KRAS: variants seen among roughly 807,000 people sequenced by gnomAD.
The protein encoded by KRAS is GTPase KRas.
Under a neutral mutation model 21.0 loss-of-function variants are expected in KRAS, and 1 was observed. That is an observed-to-expected ratio of 0.05 (90% CI 0.02 to 0.23). The LOEUF is 0.23. Ranked by LOEUF, KRAS falls within the 10% of genes least tolerant of loss-of-function variation. The pLI is 1.00. For synonymous variants in KRAS, 67 were observed against 72.5 expected, an observed-to-expected ratio of 0.92 and a Z score of 0.39; for missense variants, 107 against 221.8, an observed-to-expected ratio of 0.48 and a Z score of 3.29.
intron 1 of KRAS, among the ~76,000 whole-genome samples, chr12:25,247,590 AACCAGTTTGCATAGCCTAAAAC>A: frequency 6.6e-6 from 1 of 152,254 alleles, no homozygotes; most frequent in Non-Finnish European, 1.5e-5. Flanking sequence ...ACCTCCCCCC[AACCAGTTTGCATAGCCTAAAAC>A]AGTTCTCAAA....
intron 2 of KRAS, among the ~76,000 whole-genome samples, chr12:25,236,857 C>G (rs1370672672): frequency 1.3e-5 from 2 of 152,030 alleles, no homozygotes; most frequent in African/African-American, 4.8e-5. Context: ...AAGTCAAAGA[C>G]AGAGCTACCA....
intron 2 of KRAS, among the ~76,000 whole-genome samples, chr12:25,240,468 A>G (rs1951597031): frequency 6.6e-6 from 1 of 152,194 alleles, no homozygotes; most frequent in Non-Finnish European, 1.5e-5. Context: ...ACTACGTTGA[A>G]CCCACATGAA....
chr12:25,207,081 C>T lies in KRAS; in HGVS notation c.*2714G>A, dbSNP rs1951146492. On this transcript the variant is annotated 3_prime_UTR_variant, in exon 5 of 5. Coordinates refer to ENST00000311936, the MANE Select transcript of KRAS (RefSeq NM_004985.5). The stretch of plus-strand genomic sequence containing the variant: ...CCCTTCTTTGCAAAACTAAAATACG[C>T]ATCGTGTTATCTCTGGGTCGTATAC... The T allele has an allele frequency of 4.7e-6, 1 of 212,206 alleles. No individual in the cohort carries two copies. Among genetic ancestry groups the T allele is most frequent in the East Asian group, 7.0e-5 (1 of 14,226 alleles). 13.1% of individuals were successfully genotyped at this position (212,206 alleles called of 1,614,324 possible). A position where few individuals can be genotyped will look rare whatever the true frequency, so the allele number is the denominator to read the frequency against.
Position 25,207,948 on chromosome 12 carries a change from G to C in KRAS, c.*1847C>G, listed in dbSNP as rs1379894419. ...ATTACAAGTATTAAAACTGCATCAA[G>C]TCATGGGGCATGTGGAAGGTAGGGA... On this transcript the variant is annotated 3_prime_UTR_variant, in exon 5 of 5. Coordinates refer to ENST00000311936, the MANE Select transcript of KRAS (RefSeq NM_004985.5). The C allele has an allele frequency of 4.3e-6, 1 of 233,118 alleles. No homozygotes were observed. The highest frequency in any genetic ancestry group is 8.5e-6 in the Non-Finnish European group (1 of 118,040). 14.4% of individuals were successfully genotyped at this position (233,118 alleles called of 1,614,324 possible). A position where few individuals can be genotyped will look rare whatever the true frequency, so the allele number is the denominator to read the frequency against.
At chr12:25,245,107 C>T (rs1951661430) in intron 2 of KRAS, among the ~76,000 whole-genome samples, 167 bp downstream of exon 2, 1 of 152,066 alleles carries the variant, frequency 6.6e-6, no homozygotes, top group East Asian at 1.9e-4. Context: ...AGTAAAGTTC[C>T]CATATTAATG....
chr12:25,225,553 AATGAC>A, intron 4 of KRAS, 56 bp downstream of exon 4: 1 of 1,479,368 alleles, frequency 6.8e-7, no homozygotes, highest in Admixed American at 1.7e-5. Flanking sequence ...TGATATATTA[AATGAC>A]ATAACAGTTA....
chr12:25,241,172 T>C (rs746279672), intron 2 of KRAS, among the ~76,000 whole-genome samples: 5 of 152,138 alleles, frequency 3.3e-5, no homozygotes, highest in Non-Finnish European at 7.3e-5. Context: ...CTCACCTACT[T>C]AGTTAGGCCT....
intron 1 of KRAS, among the ~76,000 whole-genome samples, chr12:25,250,475 G>C (rs978124215): frequency 1.3e-5 from 2 of 152,062 alleles, no homozygotes; most frequent in African/African-American, 4.8e-5. Flanking sequence ...GAGGAAGGAA[G>C]GGGTTCCCCG....
At chr12:25,227,479 A>G (rs1951408789) in intron 2 of KRAS, 67 bp from the exon 3 acceptor site, 1 of 1,378,666 alleles carries the variant, frequency 7.3e-7, no homozygotes, top group East Asian at 2.4e-5. Context: ...GGTGTTATAT[A>G]CAACTCAACA....
chr12:25,215,347 C>T (rs1182519077), intron 4 of KRAS: 8 of 1,549,996 alleles, frequency 5.2e-6, no homozygotes, highest in Admixed American at 1.7e-5. Flanking sequence ...TAGAATACTA[C>T]ACCTAAGTAG....
At position 25,215,408 on chromosome 12, in the gene KRAS, C is replaced by T. The variant is rs547244164; in HGVS notation, c.451-5497G>A. 22 of 1,612,282 alleles carry T rather than the reference C, an allele frequency of 1.4e-5. No individual in the cohort carries two copies. The South Asian group carries it at 2.4e-4, about 18-fold the overall frequency. On this transcript the variant is annotated intron_variant, in intron 4 of 4. Transcript: ENST00000311936. ...CCTTTAAAAGACATCTGCTTTCTGC[C>T]AAAATTAATGTGCTGAACTTAAACT...
In KRAS at chr12:25,208,329, CATTT is replaced by C. The variant is rs1300999067; in HGVS notation, c.*1462_*1465del. 2 of 232,946 alleles carry C rather than the reference CATTT, an allele frequency of 8.6e-6. No homozygotes were observed. The highest frequency in any genetic ancestry group is 4.4e-5 in the African/African-American group (2 of 45,278). The allele number at this position is 232,946 out of a possible 1,614,324, so 14.4% of individuals were successfully genotyped here. A position where few individuals can be genotyped will look rare whatever the true frequency, so the allele number is the denominator to read the frequency against. Reference sequence around the variant, plus strand: ...TTCACCTCACCATGCCATCTCACTTCATTTATTTTAAAATAAGTAACATTTTAAA... The same window carrying C: ...TTCACCTCACCATGCCATCTCACTTCATTTTAAAATAAGTAACATTTTAAA... On this transcript the variant is annotated 3_prime_UTR_variant, in exon 5 of 5. Coordinates refer to ENST00000311936, the MANE Select transcript of KRAS (RefSeq NM_004985.5).
chr12:25,214,768 C>T (rs1951235667), intron 4 of KRAS, among the ~76,000 whole-genome samples: 1 of 152,134 alleles, frequency 6.6e-6, no homozygotes, highest in Non-Finnish European at 1.5e-5. Context: ...ATAGGAGGTT[C>T]TAACAGTCCA....
At chr12:25,244,140 C>T (rs1388802184) in intron 2 of KRAS, among the ~76,000 whole-genome samples, 1 of 152,210 alleles carries the variant, frequency 6.6e-6, no homozygotes, top group Non-Finnish European at 1.5e-5. Flanking sequence ...CAAAGTGTCT[C>T]TTCAAGACAC....
rs775836436 is a variant in KRAS at position 25,225,730 on chromosome 12, C to T, written c.334G>A (p.Val112Ile). Residue 112 changes from valine to isoleucine, a missense_variant, in exon 4 of 5, where the codon GTC becomes ATC. Around this residue, in one of 2 missense-constraint regions of KRAS, gnomAD observed 42 missense variants for 139.4 expected, o/e 0.30. Transcript: ENST00000311936. ...RVKDSEDVPMVLVGNKCDLPS... is the reference protein window; with the variant it reads ...RVKDSEDVPMILVGNKCDLPS... ...AAATCACATTTATTTCCTACTAGGACCATAGGTACATCTTCAGAGTCCTTA... is the reference window on the plus strand; with the variant it reads ...AAATCACATTTATTTCCTACTAGGATCATAGGTACATCTTCAGAGTCCTTA... 1.2e-6 allele frequency: 2 copies of T among 1,613,044 alleles called. No homozygotes were observed. The highest frequency in any genetic ancestry group is 2.2e-5 in the East Asian group (1 of 44,746).
intron 2 of KRAS, among the ~76,000 whole-genome samples, chr12:25,240,521 T>C (rs540448024): frequency 2.6e-5 from 4 of 152,322 alleles, no homozygotes; most frequent in Admixed American, 6.5e-5. Flanking sequence ...ACAAGAAATC[T>C]AGAGATACCT....
chr12:25,234,509 T>C (rs569180235), intron 2 of KRAS: 4 of 183,876 alleles, frequency 2.2e-5, no homozygotes, highest in African/African-American at 9.4e-5. Flanking sequence ...CACATTTTTA[T>C]TGTTTTCATA....
intron 4 of KRAS, among the ~76,000 whole-genome samples, chr12:25,216,989 T>C (rs1456972142): frequency 6.6e-6 from 1 of 152,236 alleles, no homozygotes; most frequent in Non-Finnish European, 1.5e-5. Flanking sequence ...TTCTATTCTT[T>C]TATCTTAAAA....
At chr12:25,242,899 T>A (rs1436529443) in intron 2 of KRAS, among the ~76,000 whole-genome samples, 1 of 152,158 alleles carries the variant, frequency 6.6e-6, no homozygotes, top group Non-Finnish European at 1.5e-5. Context: ...GAGACATTAT[T>A]GAAAGAAACA....
Sources: gnomAD v4.1 joint callset for allele counts (sites outside exome capture counted in the v4.1 genomes callset) on GRCh38, gnomAD v4.1.1 for gene constraint, gnomAD v4.1.1 regional missense constraint, MANE v1.5 for transcripts, NCBI Gene and HGNC (gene_info 2026-07-23, HGNC 2026-07-21) for gene names.